PHF20: variants seen among roughly 807,000 people sequenced by gnomAD.
PHF20 encodes the protein glioma-expressed antigen 2.
PHF20 carries 23 observed loss-of-function variants against 113.5 expected under a neutral mutation model. The ratio of observed to expected loss-of-function variants is 0.20; its 90% CI spans 0.15 to 0.29. PHF20 has a LOEUF of 0.29. PHF20 is among the 10% of genes least tolerant of loss of function. PHF20 has a pLI of 1.00. For synonymous variants in PHF20, 434 were observed against 457.3 expected, an observed-to-expected ratio of 0.95 and a Z score of 0.65; for missense variants, 943 against 1,219.6, an observed-to-expected ratio of 0.77 and a Z score of 3.38.
intron 2 of PHF20, among the ~76,000 whole-genome samples, chr20:35,839,270 A>G (rs2425161): frequency 0.25 from 38,508 of 151,230 alleles, 5,624 homozygotes; most frequent in African/African-American, 0.41. Context: ...GGGCGCCTGT[A>G]GTCCCAGCTA....
chr20:35,852,602 C>CTT (rs60103732), intron 4 of PHF20, among the ~76,000 whole-genome samples: 151 of 144,888 alleles, frequency 1.0e-3, no homozygotes, highest in African/African-American at 3.5e-3. Flanking sequence ...TTCAAGAAAA[C>CTT]TTTTTTTTTT....
At chr20:35,918,143 C>G (rs185360675) in intron 13 of PHF20, among the ~76,000 whole-genome samples, 1 of 151,868 alleles carries the variant, frequency 6.6e-6, no homozygotes, top group Non-Finnish European at 1.5e-5. Context: ...TGAGATGTGC[C>G]TGTGGTGGGT....
At chr20:35,907,724 A>T (rs1215266134) in intron 10 of PHF20, among the ~76,000 whole-genome samples, 3 of 152,204 alleles carry the variant, frequency 2.0e-5, no homozygotes, top group Admixed American at 2.0e-4. Context: ...GATTTCAATG[A>T]TTTGAATTCA....
At chr20:35,880,753 G>A (rs1477495821) in intron 9 of PHF20, among the ~76,000 whole-genome samples, 1 of 152,068 alleles carries the variant, frequency 6.6e-6, no homozygotes, top group African/African-American at 2.4e-5. Context: ...TTGAGGTCAG[G>A]AGTTCGAGAC....
intron 17 of PHF20, among the ~76,000 whole-genome samples, chr20:35,947,269 G>T (rs1401018508): frequency 6.6e-6 from 1 of 152,212 alleles, no homozygotes; most frequent in Non-Finnish European, 1.5e-5. Flanking sequence ...CTGCTCTAAA[G>T]CATTTGTGTT....
intron 15 of PHF20, among the ~76,000 whole-genome samples, chr20:35,933,625 C>T (rs768813166): frequency 1.3e-5 from 2 of 152,132 alleles, no homozygotes; most frequent in Non-Finnish European, 1.5e-5. Flanking sequence ...TCTCGATCTA[C>T]TGACCTTGCG....
intron 2 of PHF20, among the ~76,000 whole-genome samples, chr20:35,834,189 C>T (rs910256765): frequency 9.9e-5 from 15 of 150,990 alleles, no homozygotes; most frequent in African/African-American, 3.4e-4. Context: ...GATAATGCCT[C>T]TCTTCTGTCT....
chr20:35,911,540 G>C (rs1227065677), intron 10 of PHF20, among the ~76,000 whole-genome samples: 1 of 152,194 alleles, frequency 6.6e-6, no homozygotes, highest in Non-Finnish European at 1.5e-5. Context: ...GTAGTGGATG[G>C]CAAGGTCATA....
At chr20:35,847,324 C>CTTTTTTTTTTTTTTTTTTTTTTT in intron 3 of PHF20, 26 bp from the exon 4 acceptor site, 1 of 1,172,058 alleles carries the variant, frequency 8.5e-7, no homozygotes, top group Non-Finnish European at 1.2e-6. Flanking sequence ...GTAACAGGAT[C>CTTTTTTTTTTTTTTTTTTTTTTT]TTTTTTTTTT....
intron 14 of PHF20, among the ~76,000 whole-genome samples, chr20:35,930,682 G>A (rs1177181113): frequency 1.3e-5 from 2 of 152,036 alleles, no homozygotes; most frequent in East Asian, 3.9e-4. Flanking sequence ...AACAAAGCAG[G>A]AAAAAAATAA....
intron 9 of PHF20, among the ~76,000 whole-genome samples, chr20:35,897,688 T>C (rs1420798078): frequency 6.6e-6 from 1 of 150,568 alleles, no homozygotes; most frequent in African/African-American, 2.4e-5. Flanking sequence ...TGTTTCAGCC[T>C]TCTGGGTAGC....
At chr20:35,779,092 A>G (rs1170217512) in intron 1 of PHF20, among the ~76,000 whole-genome samples, 4 of 151,746 alleles carry the variant, frequency 2.6e-5, no homozygotes, top group Middle Eastern at 3.4e-3. Context: ...CTAGAGTACA[A>G]TGGTGCAATC....
chr20:35,871,856 TC>T, intron 9 of PHF20, 27 bp downstream of exon 9: 1 of 1,503,332 alleles, frequency 6.7e-7, no homozygotes, highest in Non-Finnish European at 9.1e-7. Context: ...AAATTAATCC[TC>T]TTTTTATATA....
At chr20:35,936,258 G>A (rs2055862141) in intron 15 of PHF20, among the ~76,000 whole-genome samples, 1 of 152,144 alleles carries the variant, frequency 6.6e-6, no homozygotes, top group Non-Finnish European at 1.5e-5. Context: ...TCCTGGGTAG[G>A]CTCCTGGGAC....
Position 35,947,718 on chromosome 20 carries a change from A to C in PHF20, c.*91A>C. On this transcript the variant is annotated 3_prime_UTR_variant, in exon 18 of 18. Coordinates refer to ENST00000374012, the MANE Select transcript of PHF20 (RefSeq NM_016436.5). ...TAAATAAATAAACCTAGCATGCTGAATGCACGTGACACCGACTGACTTCAG... is the reference window on the plus strand; with the variant it reads ...TAAATAAATAAACCTAGCATGCTGACTGCACGTGACACCGACTGACTTCAG... 1.5e-6 allele frequency: 2 copies of C among 1,326,016 alleles called. No individual in the cohort carries two copies. The highest frequency in any genetic ancestry group is 2.1e-6 in the Non-Finnish European group (2 of 950,482). 82.1% of individuals were successfully genotyped at this position (1,326,016 alleles called of 1,614,324 possible). A position where few individuals can be genotyped will look rare whatever the true frequency, so the allele number is the denominator to read the frequency against.
intron 4 of PHF20, among the ~76,000 whole-genome samples, chr20:35,852,811 C>A (rs1600827780): frequency 6.6e-6 from 1 of 151,356 alleles, no homozygotes; most frequent in East Asian, 2.0e-4. Context: ...GTTGGTTAGG[C>A]TGGTCTTGAA....
At chr20:35,830,951 T>C (rs1185077979) in intron 2 of PHF20, among the ~76,000 whole-genome samples, 1 of 152,086 alleles carries the variant, frequency 6.6e-6, no homozygotes, top group Non-Finnish European at 1.5e-5. Flanking sequence ...TTTTGCCACA[T>C]TCTACTTGTT....
chr20:35,866,158 C>T (rs573784731), intron 6 of PHF20, among the ~76,000 whole-genome samples: 4 of 152,038 alleles, frequency 2.6e-5, no homozygotes, highest in South Asian at 2.1e-4. Context: ...TACAGTGAGC[C>T]GATATCGCAC....
chr20:35,931,805 G>T (rs1413878894), intron 15 of PHF20, among the ~76,000 whole-genome samples: 11 of 151,874 alleles, frequency 7.2e-5, no homozygotes, highest in Non-Finnish European at 1.2e-4. Flanking sequence ...ACAAAAATTA[G>T]CTAGGCGTGC....
Sources: allele counts gnomAD v4.1 joint callset (sites outside exome capture counted in the v4.1 genomes callset), GRCh38; gene constraint gnomAD v4.1.1; transcripts MANE v1.5; gene names NCBI Gene and HGNC (gene_info 2026-07-23, HGNC 2026-07-21).